Variants in FANCE observed in about 807,000 individuals in gnomAD.
The protein encoded by FANCE is Fanconi anemia group E protein.
FANCE carries 42 observed loss-of-function variants against 57.8 expected under a neutral mutation model. The ratio of observed to expected loss-of-function variants is 0.73; its 90% CI spans 0.57 to 0.94. The LOEUF (loss-of-function observed/expected upper bound fraction) is 0.94, where lower values mean the gene tolerates loss of function less well. Ranked by LOEUF, FANCE falls within the 40% of genes least tolerant of loss-of-function variation. FANCE has a pLI of 0.00. For missense variants in FANCE, 608 were observed against 661.8 expected (o/e 0.92, Z 0.89); for synonymous variants, 251 against 286.4 (o/e 0.88, Z 1.25).
chr6:35,457,915 G>C lies in FANCE; in HGVS notation c.901-1G>C. 6.2e-7 allele frequency: 1 copy of C among 1,614,000 alleles called. No homozygotes were observed. Among genetic ancestry groups the C allele is most frequent in the Non-Finnish European group, 8.5e-7 (1 of 1,179,896 alleles). On this transcript the variant is annotated splice_acceptor_variant, in intron 3 of 9. Coordinates refer to ENST00000229769, the MANE Select transcript of FANCE (RefSeq NM_021922.3). LOFTEE classifies it high-confidence loss of function. ...CCCTAACATGAGATTTGTCTCCCCA[G>C]GGGTTAGAGGGATTGGAGGATGCCC... is the stretch of plus-strand genomic sequence containing the variant.
At chr6:35,452,815 CT>C in intron 1 of FANCE, 22 bp downstream of exon 1, 1 of 1,304,940 alleles carries the variant, frequency 7.7e-7, no homozygotes, top group South Asian at 2.2e-5. Flanking sequence ...CCCGCGGCCC[CT>C]TAGCAGGTAT....
At chr6:35,458,526 GA>G in intron 5 of FANCE, 86 bp downstream of exon 5, 1 of 1,526,542 alleles carries the variant, frequency 6.6e-7, no homozygotes, top group Admixed American at 1.7e-5. Flanking sequence ...TGAGAGAGGG[GA>G]TTCCCAGCCT....
At chr6:35,465,862 G>C (rs957245730) in intron 9 of FANCE, among the ~76,000 whole-genome samples, 2 of 152,216 alleles carry the variant, frequency 1.3e-5, no homozygotes, top group Admixed American at 6.5e-5. Flanking sequence ...AAGGAAGGTA[G>C]CTGTCACAGT....
chr6:35,462,655 T>G, intron 8 of FANCE, 134 bp from the exon 9 acceptor site: 1 of 1,029,678 alleles, frequency 9.7e-7, no homozygotes, highest in Non-Finnish European at 1.5e-6. Flanking sequence ...GAAATGGAGG[T>G]TTAGGTTGGT....
intron 8 of FANCE, among the ~76,000 whole-genome samples, chr6:35,462,570 T>C (rs556332733): frequency 5.9e-5 from 9 of 152,312 alleles, no homozygotes; most frequent in Admixed American, 4.6e-4. Flanking sequence ...GACCTGTGTG[T>C]CTTATGTGCA....
rs1168963328 is a variant in FANCE at position 35,466,638 on chromosome 6, G to A, written c.*293G>A. 6.7e-6 allele frequency: 3 copies of A among 449,552 alleles called. No individual in the cohort carries two copies. The highest frequency in any genetic ancestry group is 1.2e-5 in the Non-Finnish European group (3 of 240,994). The allele number at this position is 449,552 out of a possible 1,614,324, so 27.8% of individuals were successfully genotyped here. ...GGAGTGCAGTGATGCGATTGATCATGGCTCACTGTAACCTCTGCCTCCCAG... is the reference window on the plus strand; with the variant it reads ...GGAGTGCAGTGATGCGATTGATCATAGCTCACTGTAACCTCTGCCTCCCAG... On this transcript the variant is annotated 3_prime_UTR_variant, in exon 10 of 10. Coordinates refer to ENST00000229769, the MANE Select transcript of FANCE (RefSeq NM_021922.3).
chr6:35,460,522 G>A, intron 7 of FANCE, 30 bp from the exon 8 acceptor site: 1 of 1,607,940 alleles, frequency 6.2e-7, no homozygotes, highest in Non-Finnish European at 8.5e-7. Context: ...GGGAGGCCAG[G>A]CATTTTTCAC....
Position 35,466,850 on chromosome 6 carries a change from G to A in FANCE, c.*505G>A, listed in dbSNP as rs909455761. On this transcript the variant is annotated 3_prime_UTR_variant, in exon 10 of 10. Coordinates refer to ENST00000229769, the MANE Select transcript of FANCE (RefSeq NM_021922.3). ...TTACAGGTGTGAGCCACCACACCAG[G>A]CCAGAGCTATATTTCCAAAGGCTGC... The A allele has an allele frequency of 7.8e-6, 2 of 255,922 alleles. No individual in the cohort carries two copies. The highest frequency in any genetic ancestry group is 7.6e-6 in the Non-Finnish European group (1 of 131,866). The allele number at this position is 255,922 out of a possible 1,614,324, so 15.9% of individuals were successfully genotyped here.
rs992390495 is a variant in FANCE, at chr6:35,456,576, A to C, written c.855+223A>C. ...GTTGCCCAGGCTGGAGTTCAATGGCATGATCTCAGCTCACCGCAACCTCTG... is the reference window on the plus strand; with the variant it reads ...GTTGCCCAGGCTGGAGTTCAATGGCCTGATCTCAGCTCACCGCAACCTCTG... On this transcript the variant is annotated intron_variant, in intron 2 of 9. Transcript: ENST00000229769. This position sits in a 1 kb window ranked among gnomAD's most constrained non-coding sequence, Gnocchi z 4.3. Among the ~76,000 whole-genome samples, 2 of 151,688 alleles carry C rather than the reference A, an allele frequency of 1.3e-5. No homozygotes were observed. Among genetic ancestry groups the C allele is most frequent in the African/African-American group, 4.8e-5 (2 of 41,238 alleles).
rs1341393937 is a variant in FANCE, at chr6:35,457,516, AG to A, written c.856-35del. On this transcript the variant is annotated intron_variant, in intron 2 of 9. Coordinates refer to ENST00000229769, the MANE Select transcript of FANCE (RefSeq NM_021922.3). Reference sequence around the variant, plus strand: ...AGAACCGGGCTTGGGGTCATGCTGCAGGGGGAGGGACGTAGCAGTGACTGGG... The same window carrying A: ...AGAACCGGGCTTGGGGTCATGCTGCAGGGGAGGGACGTAGCAGTGACTGGG... 6 of 1,611,400 alleles carry A rather than the reference AG, an allele frequency of 3.7e-6. No individual in the cohort carries two copies. The Admixed American group carries it at 1.0e-4, about 27-fold the overall frequency.
Position 35,459,398 on chromosome 6 carries a change from A to G in FANCE, c.1181A>G (p.Tyr394Cys), listed in dbSNP as rs771924901. 1.9e-6 allele frequency: 3 copies of G among 1,614,050 alleles called. No individual in the cohort carries two copies. The highest frequency in any genetic ancestry group is 2.5e-6 in the Non-Finnish European group (3 of 1,180,008). ...GCCCTGACCTCCTTCTGTGCCAAAT[A>G]TACATACCCTGTCTGCAGCGCCCTC... Reference protein sequence around the residue: ...TTALTSFCAKYTYPVCSALLD... With the variant: ...TTALTSFCAKCTYPVCSALLD... Residue 394 changes from tyrosine to cysteine, a missense_variant, in exon 6 of 10, where the codon TAT (tyrosine) becomes TGT (cysteine). Tyr to Cys is a radical substitution (Grantham distance 194). Coordinates refer to ENST00000229769, the MANE Select transcript of FANCE (RefSeq NM_021922.3).
In FANCE at chr6:35,466,577, G is replaced by A. The variant is rs1053816136; in HGVS notation, c.*232G>A. On this transcript the variant is annotated 3_prime_UTR_variant, in exon 10 of 10. Transcript: ENST00000229769. ...CTATATTTTCTTTTTCATTTCTTTT[G>A]TTTTTGAGAGAAGGTATTGCTCTGT... is the stretch of plus-strand genomic sequence containing the variant. 3 of 526,072 alleles carry A rather than the reference G, an allele frequency of 5.7e-6. No homozygotes were observed. The African/African-American group carries it at 5.7e-5, about 10-fold the overall frequency. The allele number at this position is 526,072 out of a possible 1,614,324, so 32.6% of individuals were successfully genotyped here.
At chr6:35,464,953 C>CTCG (rs1224407669) in intron 9 of FANCE, among the ~76,000 whole-genome samples, 3 of 151,444 alleles carry the variant, frequency 2.0e-5, no homozygotes, top group Non-Finnish European at 4.4e-5. Context: ...CCAGGATGGT[C>CTCG]TCGATCTCCT....
rs1358873070 is a variant in FANCE, at chr6:35,458,320, G to A, written c.993G>A (p.Leu331=). The change falls in exon 5 of 10, where the codon CTG becomes CTA. Residue 331 remains leucine, a synonymous_variant. Transcript: ENST00000229769. ...AGATGGACTTGCTGTGTGCCCAGCT[G>A]CAGCTCCCTCAGCTCTCAGACCTCG... ...PSQMDLLCAQ[L]QLPQLSDLGL... 10 of 1,613,944 alleles carry A rather than the reference G, an allele frequency of 6.2e-6. No individual in the cohort carries two copies. Among genetic ancestry groups the A allele is most frequent in the Non-Finnish European group, 7.6e-6 (9 of 1,180,046 alleles).
At chr6:35,462,976 A>G (rs1317974888) in intron 9 of FANCE, 62 bp downstream of exon 9, 4 of 1,608,996 alleles carry the variant, frequency 2.5e-6, no homozygotes, top group African/African-American at 1.3e-5. Flanking sequence ...GCCTGCCACA[A>G]GGGTGTATGA....
intron 9 of FANCE, 134 bp downstream of exon 9, chr6:35,463,048 C>G: frequency 1.6e-6 from 2 of 1,274,348 alleles, no homozygotes; most frequent in Middle Eastern, 2.7e-4. Flanking sequence ...CGCCTGTAAT[C>G]TCAGCACTTT....
chr6:35,453,093 T>C (rs1255705856), intron 1 of FANCE, among the ~76,000 whole-genome samples: 1 of 152,252 alleles, frequency 6.6e-6, no homozygotes, highest in Admixed American at 6.5e-5. Context: ...TACTTATGTA[T>C]AAAGTGTACA....
At chr6:35,462,706 A>G in intron 8 of FANCE, 83 bp from the exon 9 acceptor site, 2 of 1,586,884 alleles carry the variant, frequency 1.3e-6, no homozygotes, top group Middle Eastern at 1.7e-4. Context: ...GAAGTGGTGG[A>G]GTTGGGAATT....
intron 1 of FANCE, 45 bp downstream of exon 1, chr6:35,452,838 G>A (rs1767166368): frequency 7.8e-7 from 1 of 1,282,570 alleles, no homozygotes; most frequent in Non-Finnish European, 9.9e-7. Flanking sequence ...GGAGGCGGGG[G>A]GCTGTCGGGG....
Sources: allele counts gnomAD v4.1 joint callset (sites outside exome capture counted in the v4.1 genomes callset), GRCh38; gene constraint gnomAD v4.1.1; non-coding constraint Gnocchi (gnomAD v3.1); transcripts MANE v1.5; gene names NCBI Gene and HGNC (gene_info 2026-07-23, HGNC 2026-07-21).